The following COL4A5 variants were observed in gnomAD, a reference collection of about 807,000 sequenced individuals.
The protein encoded by COL4A5 is collagen alpha-5(IV) chain.
COL4A5 carries 26 observed loss-of-function variants against 130.2 expected under a neutral mutation model. That is an observed-to-expected ratio of 0.20 (90% CI 0.15 to 0.28). The LOEUF (loss-of-function observed/expected upper bound fraction) is 0.28, where lower values mean the gene tolerates loss of function less well. COL4A5 is among the 10% of genes least tolerant of loss of function. COL4A5 has a pLI of 1.00. For synonymous variants in COL4A5, 496 were observed against 439.6 expected, an observed-to-expected ratio of 1.13 and a Z score of -1.60; for missense variants, 1,131 against 1,344.3, an observed-to-expected ratio of 0.84 and a Z score of 2.48.
chrX:108,670,289 C>T, intron 42 of COL4A5, 53 bp downstream of exon 42: 2 of 1,202,627 alleles, frequency 1.7e-6, no homozygotes, highest in Non-Finnish European at 2.2e-6. Flanking sequence ...AACTTATATA[C>T]CTGTACCAAA....
chrX:108,470,689 G>A (rs1240019199), intron 1 of COL4A5, among the ~76,000 whole-genome samples: 4 of 111,256 alleles, frequency 3.6e-5, no homozygotes, highest in Non-Finnish European at 7.5e-5. Flanking sequence ...TTGCCATTGC[G>A]TTTGGGGATT....
chrX:108,442,659 C>T (rs1191097603), intron 1 of COL4A5, among the ~76,000 whole-genome samples: 1 of 111,034 alleles, frequency 9.0e-6, no homozygotes, highest in African/African-American at 3.3e-5. Flanking sequence ...ACCAGCGGCA[C>T]GAATTTATCA....
At chrX:108,447,091 A>G (rs1029923974) in intron 1 of COL4A5, among the ~76,000 whole-genome samples, 6 of 110,671 alleles carry the variant, frequency 5.4e-5, no homozygotes, top group Non-Finnish European at 1.1e-4. Flanking sequence ...TTTTGTGCAT[A>G]TGCATCTGAA....
chrX:108,597,359 T>C lies in COL4A5; in HGVS notation c.1588-18T>C. ...TTCTTTTTCCACTCTTTTTTCTTTT[T>C]TTCCTTACTCATTTCAGGGCATTCC... On this transcript the variant is annotated intron_variant, in intron 23 of 52. Coordinates refer to ENST00000328300, the MANE Select transcript of COL4A5 (RefSeq NM_033380.3). 8.3e-7 allele frequency: 1 copy of C among 1,199,817 alleles called. No individual in the cohort carries two copies. Among genetic ancestry groups the C allele is most frequent in the Non-Finnish European group, 1.1e-6 (1 of 885,882 alleles).
chrX:108,461,355 G>C (rs1054987805), intron 1 of COL4A5, among the ~76,000 whole-genome samples: 1 of 110,897 alleles, frequency 9.0e-6, no homozygotes, highest in Non-Finnish European at 1.9e-5. Context: ...TTTGAAATTG[G>C]TAATATGCTA....
intron 18 of COL4A5, among the ~76,000 whole-genome samples, 188 bp from the exon 19 acceptor site, chrX:108,586,427 C>A (rs1432792651): frequency 9.0e-6 from 1 of 111,255 alleles, no homozygotes; most frequent in Non-Finnish European, 1.9e-5. Flanking sequence ...GGCTCAGGAA[C>A]ATGGTAATGT....
At position 108,478,468 on chromosome X, in the gene COL4A5, G is replaced by T. The variant is rs140983711; in HGVS notation, c.81+38262G>T. Among the ~76,000 whole-genome samples the T allele has an allele frequency of 1.0e-3, 112 of 111,632 alleles. 4 individuals are homozygous for T. The East Asian group carries it at 0.031, about 30-fold the overall frequency. ...CCTGGACCTGTGAATCCTGGCTATG[G>T]AGAAAGAGTACCATATATTGGATGC... On this transcript the variant is annotated intron_variant, in intron 1 of 52. Coordinates refer to ENST00000328300, the MANE Select transcript of COL4A5 (RefSeq NM_033380.3).
At chrX:108,640,639 T>TA (rs1192115368) in intron 36 of COL4A5, among the ~76,000 whole-genome samples, 3 of 111,207 alleles carry the variant, frequency 2.7e-5, no homozygotes, top group Non-Finnish European at 5.7e-5. Flanking sequence ...TTTGGGTTGA[T>TA]AAAAAAAATT....
Position 108,665,555 on chromosome X carries a change from A to G in COL4A5, c.3422A>G (p.Asn1141Ser). 8.3e-7 allele frequency: 1 copy of G among 1,208,504 alleles called. No homozygotes were observed. The highest frequency in any genetic ancestry group is 1.8e-5 in the South Asian group (1 of 56,671). ...GPKGISGPPG[N>S]PGLPGEPGPV... ...AAAGGTATTAGTGGCCCTCCTGGGA[A>G]CCCCGGCCTTCCAGGAGAACCTGGT... The change falls in exon 38 of 53, where the codon AAC becomes AGC. Residue 1141 changes from asparagine (N) to serine (S), a missense_variant. Asn to Ser is a conservative substitution (Grantham distance 46, BLOSUM62 1). Transcript: ENST00000328300.
chrX:108,659,004 T>C (rs1250401194), intron 37 of COL4A5, among the ~76,000 whole-genome samples: 1 of 111,280 alleles, frequency 9.0e-6, no homozygotes, highest in East Asian at 2.8e-4. Context: ...ATTTTTCAGC[T>C]TTGTCTTTTC....
intron 1 of COL4A5, among the ~76,000 whole-genome samples, chrX:108,511,814 A>AT (rs2065182210): frequency 1.8e-5 from 2 of 112,096 alleles, no homozygotes; most frequent in South Asian, 3.7e-4. Context: ...TTCAAAAAGG[A>AT]TTTTTTATAT....
intron 29 of COL4A5, 152 bp from the exon 30 acceptor site, chrX:108,614,759 A>G (rs1217017814): frequency 4.1e-6 from 2 of 486,412 alleles, no homozygotes; most frequent in East Asian, 7.3e-5. Flanking sequence ...CTATTAATAG[A>G]TTCCCTATCC....
chrX:108,573,512 G>T, intron 8 of COL4A5, 62 bp from the exon 9 acceptor site: 1 of 777,094 alleles, frequency 1.3e-6, no homozygotes, highest in Non-Finnish European at 2.0e-6. Context: ...CATTTTTCTG[G>T]TTTTGCTGGT....
At chrX:108,542,999 T>C (rs1262242492) in intron 2 of COL4A5, among the ~76,000 whole-genome samples, 1 of 111,157 alleles carries the variant, frequency 9.0e-6, no homozygotes, top group Non-Finnish European at 1.9e-5. Context: ...TTGTAGATTC[T>C]GGATATTAGC....
intron 1 of COL4A5, among the ~76,000 whole-genome samples, chrX:108,485,261 G>A (rs898393469): frequency 2.1e-4 from 24 of 112,202 alleles, no homozygotes; most frequent in African/African-American, 7.8e-4. Flanking sequence ...GCCTGGAATT[G>A]AGGACCCCAA....
chrX:108,572,954 T>C (rs1404383016), intron 8 of COL4A5, among the ~76,000 whole-genome samples: 1 of 111,370 alleles, frequency 9.0e-6, no homozygotes, highest in Non-Finnish European at 1.9e-5. Context: ...TATTGGGATG[T>C]GCCAAACGTT....
intron 19 of COL4A5, among the ~76,000 whole-genome samples, chrX:108,588,785 A>G (rs73526300): frequency 0.1 from 11,513 of 111,193 alleles, 1,277 homozygotes; most frequent in African/African-American, 0.33. Flanking sequence ...ACAAAAGGCC[A>G]ATCACCTACA....
chrX:108,596,985 G>A lies in COL4A5; in HGVS notation c.1517-13G>A, dbSNP rs1426019238. The A allele has an allele frequency of 8.5e-6, 10 of 1,170,403 alleles. No homozygotes were observed. Among genetic ancestry groups the A allele is most frequent in the Non-Finnish European group, 1.1e-5 (10 of 871,508 alleles). On this transcript the variant is annotated splice_polypyrimidine_tract_variant and intron_variant, in intron 22 of 52. Coordinates refer to ENST00000328300, the MANE Select transcript of COL4A5 (RefSeq NM_033380.3). Reference sequence around the variant, plus strand: ...TGTGTGTGTGTGTGTTTGTTTGTGTGTGTGTGTGTTAGGATCTCTTGGTTT... The same window carrying A: ...TGTGTGTGTGTGTGTTTGTTTGTGTATGTGTGTGTTAGGATCTCTTGGTTT...
In COL4A5 at chrX:108,539,886, G is replaced by A; in HGVS notation, c.141+81G>A. ...TAATAAATATTTTTTTAAAAACAGA[G>A]CTTCTATCTCAGTACTTAAGTAAGT... On this transcript the variant is annotated intron_variant, in intron 2 of 52. Transcript: ENST00000328300. 19 of 781,502 alleles carry A rather than the reference G, an allele frequency of 2.4e-5. No individual in the cohort carries two copies. In the South Asian group the frequency reaches 3.9e-4, roughly 16 times the overall value. 64.4% of individuals were successfully genotyped at this position (781,502 alleles called of 1,213,427 possible). A position where few individuals can be genotyped will look rare whatever the true frequency, so the allele number is the denominator to read the frequency against.
Sources: allele counts gnomAD v4.1 joint callset (sites outside exome capture counted in the v4.1 genomes callset), GRCh38; gene constraint gnomAD v4.1.1; transcripts MANE v1.5; gene names NCBI Gene and HGNC (gene_info 2026-07-23, HGNC 2026-07-21).